The following UBR1 variants were observed in gnomAD, a reference collection of about 807,000 sequenced individuals.
UBR1 encodes the protein E3 ubiquitin-protein ligase UBR1.
Under a neutral mutation model 242.1 loss-of-function variants are expected in UBR1, and 102 were observed. That is an observed-to-expected ratio of 0.42 (90% CI 0.36 to 0.50). UBR1 has a LOEUF of 0.50. UBR1 is among the 20% of genes least tolerant of loss of function. The pLI is 0.01. For synonymous variants in UBR1, 675 were observed against 684.8 expected (o/e 0.99, Z 0.22); for missense variants, 1,772 against 2,101.8 (o/e 0.84, Z 3.07).
intron 23 of UBR1, chr15:43,025,987 T>C (rs1021054806): frequency 5.1e-5 from 8 of 157,382 alleles, no homozygotes; most frequent in African/African-American, 1.7e-4. Context: ...TCCCAGGACG[T>C]TGGGAGGCCG....
intron 1 of UBR1, among the ~76,000 whole-genome samples, chr15:43,104,132 A>G (rs1232604773): frequency 9.2e-5 from 14 of 152,208 alleles, no homozygotes; most frequent in Non-Finnish European, 1.9e-4. Context: ...CAATCTACCT[A>G]CTACTTTGCA....
chr15:43,048,299 T>C (rs765922041), intron 13 of UBR1, 93 bp downstream of exon 13: 86 of 921,528 alleles, frequency 9.3e-5, no homozygotes, highest in Admixed American at 3.3e-4. Flanking sequence ...ATAAATTCTT[T>C]CTTGTATTAA....
Position 42,970,492 on chromosome 15 carries a change from T to C in UBR1, c.4457+28A>G, listed in dbSNP as rs551232557. On this transcript the variant is annotated intron_variant, in intron 40 of 46. Transcript: ENST00000290650. ...TGAACAAGAAATGGAATTATTACAA[T>C]AGACTGAACTAATGGATTGTTACTC... The C allele has an allele frequency of 6.9e-6, 11 of 1,591,836 alleles. No individual in the cohort carries two copies. In the East Asian group the frequency reaches 1.3e-4, roughly 19 times the overall value.
intron 1 of UBR1, among the ~76,000 whole-genome samples, chr15:43,095,917 A>C (rs2034153915): frequency 6.6e-6 from 1 of 152,254 alleles, no homozygotes. Context: ...GTGAACATAA[A>C]GTGAGTCACA....
chr15:43,095,326 T>C (rs1257246209), intron 1 of UBR1, among the ~76,000 whole-genome samples: 2 of 152,176 alleles, frequency 1.3e-5, no homozygotes, highest in Admixed American at 6.5e-5. Context: ...CAAACAGACT[T>C]TGTTCTGAAG....
intron 40 of UBR1, among the ~76,000 whole-genome samples, chr15:42,970,319 C>T (rs1422187798): frequency 6.6e-6 from 1 of 152,182 alleles, no homozygotes; most frequent in East Asian, 1.9e-4. Flanking sequence ...ACACCCCTTC[C>T]TTACACCTTA....
intron 36 of UBR1, 104 bp from the exon 37 acceptor site, chr15:42,984,097 G>T: frequency 1.4e-6 from 1 of 734,082 alleles, no homozygotes. Context: ...GTCGGAATTA[G>T]CTGCAGACTC....
intron 15 of UBR1, 82 bp downstream of exon 15, chr15:43,043,133 C>T: frequency 6.5e-7 from 1 of 1,527,858 alleles, no homozygotes; most frequent in Admixed American, 1.7e-5. Flanking sequence ...GAGCACAGAA[C>T]AAAAATAGAA....
chr15:42,980,817 G>C (rs1027393907), intron 37 of UBR1, among the ~76,000 whole-genome samples: 8 of 152,082 alleles, frequency 5.3e-5, no homozygotes, highest in Non-Finnish European at 1.2e-4. Flanking sequence ...GCCCAGGCTG[G>C]TCTCGAACTC....
intron 1 of UBR1, among the ~76,000 whole-genome samples, chr15:43,098,718 T>C (rs892182844): frequency 5.9e-5 from 9 of 152,212 alleles, no homozygotes; most frequent in African/African-American, 1.9e-4. Flanking sequence ...CTTAGAGTTT[T>C]AGAACTCAAT....
At chr15:43,057,162 T>G (rs908453289) in intron 10 of UBR1, among the ~76,000 whole-genome samples, 1 of 152,192 alleles carries the variant, frequency 6.6e-6, no homozygotes, top group Non-Finnish European at 1.5e-5. Flanking sequence ...CAAAATTTCA[T>G]TTCAGATCAC....
chr15:43,029,739 CT>C (rs1190192917), intron 21 of UBR1, among the ~76,000 whole-genome samples: 1 of 152,064 alleles, frequency 6.6e-6, no homozygotes, highest in African/African-American at 2.4e-5. Context: ...CTGGAGTAAT[CT>C]TTATTTTAAA....
chr15:43,079,018 C>T (rs2033941929), intron 3 of UBR1, among the ~76,000 whole-genome samples: 3 of 151,944 alleles, frequency 2.0e-5, no homozygotes, highest in African/African-American at 7.3e-5. Flanking sequence ...TAATGAATAA[C>T]ATTGAAGCAA....
rs1292268909 is a variant in UBR1 at position 42,984,933 on chromosome 15, A to C, written c.4007T>G (p.Leu1336Trp). The C allele has an allele frequency of 6.2e-7, 1 of 1,609,212 alleles. No homozygotes were observed. Among genetic ancestry groups the C allele is most frequent in the Admixed American group, 1.7e-5 (1 of 59,964 alleles). The stretch of plus-strand genomic sequence containing the variant: ...AAACAGAGGTTTTCCTTCATCTCCC[A>C]ATAGATTTTCTCAAAGAATAAAAAA... ...AFTIQAIENLLGDEGKPLFGA... is the reference protein window; with the variant it reads ...AFTIQAIENLWGDEGKPLFGA... Residue 1336 changes from leucine (L) to tryptophan (W), a missense_variant, in exon 36 of 47, where the codon TTG becomes TGG. This residue lies in a region of UBR1 where 965 missense variants were observed against 1,079.7 expected (regional missense o/e 0.89). Coordinates refer to ENST00000290650, the MANE Select transcript of UBR1 (RefSeq NM_174916.3).
intron 5 of UBR1, among the ~76,000 whole-genome samples, chr15:43,070,273 A>AC (rs1173122695): frequency 6.6e-6 from 1 of 150,990 alleles, no homozygotes; most frequent in East Asian, 1.9e-4. Context: ...AAAAAAAAAA[A>AC]AGCTACATCC....
At chr15:43,066,508 G>A (rs752512263) in intron 6 of UBR1, among the ~76,000 whole-genome samples, 2 of 152,082 alleles carry the variant, frequency 1.3e-5, no homozygotes, top group Non-Finnish European at 2.9e-5. Context: ...GAACATTAAT[G>A]GTAGTTTAAT....
At chr15:42,957,649 A>T (rs1227483331) in intron 44 of UBR1, among the ~76,000 whole-genome samples, 5 of 152,126 alleles carry the variant, frequency 3.3e-5, no homozygotes. Context: ...AATGGGTAGG[A>T]GGATCACTTG....
At chr15:43,099,664 TCATTCATTCATA>T (rs914182725) in intron 1 of UBR1, among the ~76,000 whole-genome samples, 2 of 152,210 alleles carry the variant, frequency 1.3e-5, no homozygotes, top group African/African-American at 2.4e-5. Context: ...TCTCATTCAT[TCATTCATTCATA>T]CATTCAATAA....
At chr15:43,014,442 C>T (rs1392408730) in intron 29 of UBR1, among the ~76,000 whole-genome samples, 1 of 151,778 alleles carries the variant, frequency 6.6e-6, no homozygotes, top group African/African-American at 2.4e-5. Context: ...GTGAGGAGCG[C>T]CTCTTCCCGG....
Sources: gnomAD v4.1 joint callset for allele counts (sites outside exome capture counted in the v4.1 genomes callset) on GRCh38, gnomAD v4.1.1 for gene constraint, gnomAD v4.1.1 regional missense constraint, MANE v1.5 for transcripts, NCBI Gene and HGNC (gene_info 2026-07-23, HGNC 2026-07-21) for gene names.